PRDM16: variants seen among roughly 807,000 people sequenced by gnomAD.
The protein encoded by PRDM16 is PR/SET domain 16, also known as histone-lysine N-methyltransferase PRDM16.
In PRDM16, 23 loss-of-function variants were observed where a neutral mutation model predicts 110.6. That is an observed-to-expected ratio of 0.21 (90% confidence interval 0.15 to 0.29). The LOEUF (loss-of-function observed/expected upper bound fraction) is 0.29. PRDM16 is among the 10% of genes least tolerant of loss of function. PRDM16 has a pLI of 1.00. For missense variants in PRDM16, 1,615 were observed against 1,794.3 expected (o/e 0.90, Z 1.81); for synonymous variants, 799 against 781.8 (o/e 1.02, Z -0.37).
At chr1:3,299,459 G>A (rs112823246) in intron 3 of PRDM16, among the ~76,000 whole-genome samples, 9 of 89,790 alleles carry the variant, frequency 1.0e-4, no homozygotes, top group African/African-American at 3.6e-4. Flanking sequence ...ACTCTGCCCT[G>A]GTTGAAGATG....
chr1:3,287,117 C>T (rs1640862548), intron 3 of PRDM16, among the ~76,000 whole-genome samples: 1 of 152,212 alleles, frequency 6.6e-6, no homozygotes, highest in South Asian at 2.1e-4. Context: ...AGGAGGCCTG[C>T]CCCACTGGGG....
intron 4 of PRDM16, chr1:3,394,583 G>A (rs913435147): frequency 5.3e-6 from 2 of 374,238 alleles, no homozygotes; most frequent in Non-Finnish European, 1.1e-5. Flanking sequence ...CCCTCGAGAA[G>A]CCTCAGCCTC....
rs1355364328 is a variant in PRDM16 at position 3,246,579 on chromosome 1, T to C, written c.438+2442T>C. ...AGGCCCAGTCCGAGGGGCTGGGGGC[T>C]GCCTGGAGGAGGCACCCAAGTCCTC... On this transcript the variant is annotated intron_variant, in intron 3 of 16. Transcript: ENST00000270722. This position sits in a 1 kb window ranked among gnomAD's most constrained non-coding sequence, Gnocchi z 5.2. 2.0e-5 allele frequency among the ~76,000 whole-genome samples: 3 copies of C among 152,216 alleles called. No individual in the cohort carries two copies. The highest frequency in any genetic ancestry group is 7.2e-5 in the African/African-American group (3 of 41,468).
In PRDM16 at chr1:3,299,398, T is replaced by C. The variant is rs1305021857; in HGVS notation, c.438+55261T>C. On this transcript the variant is annotated intron_variant, in intron 3 of 16. Coordinates refer to ENST00000270722, the MANE Select transcript of PRDM16 (RefSeq NM_022114.4). ...ATCCCAGTTGTGGTGACTCTGCCCTTGTTGAAGATGCTATGCTGTGGCCGT... is the reference window on the plus strand; with the variant it reads ...ATCCCAGTTGTGGTGACTCTGCCCTCGTTGAAGATGCTATGCTGTGGCCGT... Among the ~76,000 whole-genome samples, 4 of 85,316 alleles carry C rather than the reference T, an allele frequency of 4.7e-5. 1 individual carries two copies. The highest frequency in any genetic ancestry group is 1.1e-4 in the Non-Finnish European group (4 of 37,774). 56.0% of individuals were successfully genotyped at this position (85,316 alleles called of 152,430 possible). A position where few individuals can be genotyped will look rare whatever the true frequency, so the allele number is the denominator to read the frequency against.
intron 3 of PRDM16, among the ~76,000 whole-genome samples, chr1:3,365,950 G>A (rs200395015): frequency 8.4e-5 from 11 of 130,218 alleles, no homozygotes; most frequent in African/African-American, 2.4e-4. Context: ...AAACGCACAC[G>A]CATGCACACA....
intron 2 of PRDM16, among the ~76,000 whole-genome samples, chr1:3,239,404 C>T (rs1639611118): frequency 6.6e-6 from 1 of 151,992 alleles, no homozygotes; most frequent in African/African-American, 2.4e-5. Context: ...AGCCCCTCGA[C>T]CCCACAGTCT....
At chr1:3,414,447 G>A (rs1643745646) in intron 9 of PRDM16, 113 bp from the exon 10 acceptor site, 1 of 746,918 alleles carries the variant, frequency 1.3e-6, no homozygotes, top group African/African-American at 1.7e-5. Flanking sequence ...CCACACCATG[G>A]CCTTGTGACT....
chr1:3,115,949 T>C (rs1210181007), intron 1 of PRDM16, among the ~76,000 whole-genome samples: 1 of 152,118 alleles, frequency 6.6e-6, no homozygotes, highest in Non-Finnish European at 1.5e-5. Context: ...GGCTGCTATC[T>C]AGGCTGTCCA....
chr1:3,202,520 A>AAGT (rs1638654004), intron 2 of PRDM16, among the ~76,000 whole-genome samples: 1 of 152,112 alleles, frequency 6.6e-6, no homozygotes, highest in South Asian at 2.1e-4. Context: ...GCTCGAGCCT[A>AAGT]AGTAGGCCTT....
intron 2 of PRDM16, among the ~76,000 whole-genome samples, chr1:3,192,216 C>G (rs916105942): frequency 1.3e-5 from 2 of 152,220 alleles, no homozygotes; most frequent in Non-Finnish European, 2.9e-5. Context: ...GCCTTGGCCT[C>G]TAAGGATGGG....
chr1:3,360,176 G>C (rs2500280), intron 3 of PRDM16, among the ~76,000 whole-genome samples: 116,604 of 152,208 alleles, frequency 0.77, 45,547 homozygotes, highest in African/African-American at 0.93. Context: ...TCGGGAACGG[G>C]AGGCCCAGGA....
intron 3 of PRDM16, among the ~76,000 whole-genome samples, chr1:3,323,128 G>T (rs893015144): frequency 2.0e-5 from 3 of 152,184 alleles, no homozygotes; most frequent in African/African-American, 4.8e-5. Context: ...GAAGCCATAC[G>T]CTATTGTCAC....
intron 1 of PRDM16, among the ~76,000 whole-genome samples, chr1:3,110,895 C>A (rs1023989952): frequency 2.6e-5 from 4 of 152,116 alleles, no homozygotes; most frequent in Non-Finnish European, 5.9e-5. Context: ...GAGTCCTTGC[C>A]GCCTGATGCC....
intron 2 of PRDM16, among the ~76,000 whole-genome samples, chr1:3,214,337 G>C (rs1638970548): frequency 6.6e-6 from 1 of 152,118 alleles, no homozygotes; most frequent in Non-Finnish European, 1.5e-5. Context: ...AGGCGACCCA[G>C]GGCGATGGCG....
intron 3 of PRDM16, among the ~76,000 whole-genome samples, chr1:3,263,664 A>G (rs959632834): frequency 6.6e-6 from 1 of 152,242 alleles, no homozygotes; most frequent in Non-Finnish European, 1.5e-5. Flanking sequence ...TGCCCTGCAG[A>G]TGCCAGACCT....
chr1:3,146,702 G>A (rs1052090984), intron 1 of PRDM16, among the ~76,000 whole-genome samples: 2 of 142,944 alleles, frequency 1.4e-5, no homozygotes, highest in African/African-American at 5.3e-5. Context: ...TTTGGTGTGG[G>A]GTGTGTCTGC....
intron 1 of PRDM16, among the ~76,000 whole-genome samples, chr1:3,180,812 C>G (rs2100778016): frequency 6.7e-6 from 1 of 148,604 alleles, no homozygotes; most frequent in East Asian, 2.1e-4. Flanking sequence ...GCCCTGGACA[C>G]CTTTTCAGGT....
chr1:3,434,461 T>C lies in PRDM16; in HGVS notation c.*650T>C, dbSNP rs1638855309. ...CTTTATACTGTAGATAATGGAGAAATTTTCTATCTCTGTCCCTATTTGTAT... is the reference window on the plus strand; with the variant it reads ...CTTTATACTGTAGATAATGGAGAAACTTTCTATCTCTGTCCCTATTTGTAT... On this transcript the variant is annotated 3_prime_UTR_variant, in exon 17 of 17. Transcript: ENST00000270722. 1 of 231,152 alleles carries C rather than the reference T, an allele frequency of 4.3e-6. No homozygotes were observed. The highest frequency in any genetic ancestry group is 8.6e-6 in the Non-Finnish European group (1 of 116,804). 14.3% of individuals were successfully genotyped at this position (231,152 alleles called of 1,614,324 possible).
chr1:3,363,210 G>T (rs538724428), intron 3 of PRDM16, among the ~76,000 whole-genome samples: 1 of 152,308 alleles, frequency 6.6e-6, no homozygotes, highest in South Asian at 2.1e-4. Context: ...GCATCTCGGG[G>T]CCCGCGACAG....
Sources: allele counts gnomAD v4.1 joint callset (sites outside exome capture counted in the v4.1 genomes callset), GRCh38; gene constraint gnomAD v4.1.1; non-coding constraint Gnocchi (gnomAD v3.1); transcripts MANE v1.5; gene names NCBI Gene and HGNC (gene_info 2026-07-23, HGNC 2026-07-21).